TENM4: variants seen among roughly 807,000 people sequenced by gnomAD.
TENM4 encodes the protein teneurin-4.
TENM4 carries 82 observed loss-of-function variants against 243.3 expected under a neutral mutation model. That is an observed-to-expected ratio of 0.34 (90% CI 0.28 to 0.40). The LOEUF is 0.40. Among genes scored for constraint, TENM4 ranks in the 10% least tolerant of loss-of-function variants. The pLI, the probability that TENM4 is intolerant of heterozygous loss-of-function variation, is 1.00. For synonymous variants in TENM4, 1,412 were observed against 1,456.3 expected, an observed-to-expected ratio of 0.97 and a Z score of 0.69; for missense variants, 3,138 against 3,673.3, an observed-to-expected ratio of 0.85 and a Z score of 3.77.
At chr11:79,303,672 G>C (rs1451077023) in intron 1 of TENM4, among the ~76,000 whole-genome samples, 1 of 152,144 alleles carries the variant, frequency 6.6e-6, no homozygotes, top group Non-Finnish European at 1.5e-5. Context: ...CTGGAGACAG[G>C]ATTTTGAACC....
rs1859377213 is a variant in TENM4, at chr11:79,440,314, G to C, written c.-321+195C>G. ...GCGGCTCCAGGCTCCAGAACAGCTT[G>C]CCTCTTCGGCCACCCGCGCCCTAGC... On this transcript the variant is annotated intron_variant, in intron 1 of 33. Transcript: ENST00000278550. The surrounding 1 kb of genome is among the most constrained non-coding windows in gnomAD (Gnocchi z 4.7). 6.6e-6 allele frequency among the ~76,000 whole-genome samples: 1 copy of C among 151,664 alleles called. No individual in the cohort carries two copies. The highest frequency in any genetic ancestry group is 2.4e-5 in the African/African-American group (1 of 41,380).
In TENM4 at chr11:78,699,697, TATATTTCATCAAGGAAA is replaced by T. The variant is rs1464874492; in HGVS notation, c.5087+1812_5087+1828del. On this transcript the variant is annotated intron_variant, in intron 28 of 33. Coordinates refer to ENST00000278550, the MANE Select transcript of TENM4 (RefSeq NM_001098816.3). Reference sequence around the variant, plus strand: ...CTTCACTAAACATCAACTATAGCTGTATATTTCATCAAGGAAAGAAAGGGAGGGATCTTTCCTGGTAG... The same window carrying T: ...CTTCACTAAACATCAACTATAGCTGTGAAAGGGAGGGATCTTTCCTGGTAG... Among the ~76,000 whole-genome samples the T allele has an allele frequency of 9.2e-5, 14 of 152,300 alleles. No individual in the cohort carries two copies. In the East Asian group the frequency reaches 2.7e-3, roughly 29 times the overall value.
At chr11:78,973,119 G>A (rs747717935) in intron 6 of TENM4, among the ~76,000 whole-genome samples, 1 of 152,106 alleles carries the variant, frequency 6.6e-6, no homozygotes, top group Non-Finnish European at 1.5e-5. Context: ...TCACTTTTTG[G>A]CTATTATCCA....
chr11:79,432,665 C>T (rs1859192849), intron 1 of TENM4, among the ~76,000 whole-genome samples: 1 of 152,184 alleles, frequency 6.6e-6, no homozygotes, highest in Admixed American at 6.5e-5. Flanking sequence ...TGCTTTTAAG[C>T]TCTTAAGCAC....
intron 12 of TENM4, among the ~76,000 whole-genome samples, chr11:78,853,102 C>A (rs1858582103): frequency 6.6e-6 from 1 of 152,018 alleles, no homozygotes; most frequent in South Asian, 2.1e-4. Flanking sequence ...CAGAGAGATT[C>A]CTAGCCAACG....
intron 24 of TENM4, among the ~76,000 whole-genome samples, chr11:78,720,671 T>G (rs1859626281): frequency 6.6e-6 from 1 of 152,218 alleles, no homozygotes; most frequent in South Asian, 2.1e-4. Flanking sequence ...ATTCTGCTGC[T>G]TTAACAAGGG....
At chr11:79,299,418 C>A (rs1357417388) in intron 1 of TENM4, among the ~76,000 whole-genome samples, 1 of 152,200 alleles carries the variant, frequency 6.6e-6, no homozygotes, top group East Asian at 1.9e-4. Context: ...TGTCCCCATC[C>A]TCAGACCCCA....
At chr11:78,814,420 G>C in intron 12 of TENM4, 25 bp from the exon 13 acceptor site, 14 of 1,536,764 alleles carry the variant, frequency 9.1e-6, no homozygotes, top group African/African-American at 1.4e-5. Flanking sequence ...GAGAAGGAGA[G>C]TTGAAAACAA....
chr11:79,001,886 C>T (rs1858338290), intron 6 of TENM4, among the ~76,000 whole-genome samples: 1 of 152,172 alleles, frequency 6.6e-6, no homozygotes, highest in Admixed American at 6.5e-5. Flanking sequence ...AGCAGAACAT[C>T]CCCTGCCAAT....
At chr11:79,158,281 C>T (rs938394911) in intron 3 of TENM4, among the ~76,000 whole-genome samples, 7 of 152,300 alleles carry the variant, frequency 4.6e-5, no homozygotes, top group African/African-American at 1.7e-4. Flanking sequence ...GGTAAATTTC[C>T]TTTAGGAAGA....
chr11:79,271,089 A>G (rs1839122879), intron 2 of TENM4, among the ~76,000 whole-genome samples: 1 of 152,280 alleles, frequency 6.6e-6, no homozygotes. Context: ...TGACTTCTGA[A>G]GGCTAAGAAT....
chr11:79,437,622 C>G (rs1228330975), intron 1 of TENM4, among the ~76,000 whole-genome samples: 2 of 152,202 alleles, frequency 1.3e-5, no homozygotes, highest in Non-Finnish European at 2.9e-5. Flanking sequence ...GAGTCGCGGC[C>G]GACTCCTGTA....
rs142320770 is a variant in TENM4, at chr11:79,177,242, G to A, written c.-162-28436C>T. On this transcript the variant is annotated intron_variant, in intron 3 of 33. Transcript: ENST00000278550. Reference sequence around the variant, plus strand: ...TGTTCTCATTAAAGCAGGGGCAAAGGGTTGGAGCCCCCTTGGTTTTCAAAC... The same window carrying A: ...TGTTCTCATTAAAGCAGGGGCAAAGAGTTGGAGCCCCCTTGGTTTTCAAAC... Among the ~76,000 whole-genome samples the A allele has an allele frequency of 4.4e-3, 672 of 152,058 alleles. 6 individuals carry two copies. Among genetic ancestry groups the A allele is most frequent in the African/African-American group, 0.015 (642 of 41,464 alleles).
intron 6 of TENM4, among the ~76,000 whole-genome samples, chr11:78,996,551 T>C (rs574770964): frequency 1.3e-5 from 2 of 152,146 alleles, no homozygotes; most frequent in Non-Finnish European, 2.9e-5. Context: ...AGCCTTTAAG[T>C]TTTAGGATAG....
intron 6 of TENM4, among the ~76,000 whole-genome samples, chr11:78,990,134 T>C (rs1458038371): frequency 6.6e-6 from 1 of 152,036 alleles, no homozygotes; most frequent in African/African-American, 2.4e-5. Flanking sequence ...TTAGAACTTA[T>C]TTTAAGTTTT....
chr11:79,070,142 C>G (rs922483350), intron 4 of TENM4, 133 bp from the exon 5 acceptor site: 7 of 1,129,486 alleles, frequency 6.2e-6, no homozygotes, highest in Non-Finnish European at 8.5e-6. Flanking sequence ...ACCGCTCCAC[C>G]ACTACGCAGC....
At chr11:78,684,535 C>T (rs1858614964) in intron 29 of TENM4, among the ~76,000 whole-genome samples, 1 of 151,058 alleles carries the variant, frequency 6.6e-6, no homozygotes, top group South Asian at 2.1e-4. Context: ...CACAAACACA[C>T]ATACACACAG....
intron 26 of TENM4, among the ~76,000 whole-genome samples, chr11:78,709,129 G>A (rs1221295036): frequency 7.7e-6 from 1 of 129,540 alleles, no homozygotes; most frequent in Admixed American, 7.7e-5. Flanking sequence ...CACCATGCCT[G>A]GCTAATTTTT....
At chr11:78,991,736 C>A (rs1472012099) in intron 6 of TENM4, among the ~76,000 whole-genome samples, 1 of 152,182 alleles carries the variant, frequency 6.6e-6, no homozygotes, top group Non-Finnish European at 1.5e-5. Flanking sequence ...TGGTTTTCCC[C>A]ATGGACCCAT....
Sources: gnomAD v4.1 joint callset for allele counts (sites outside exome capture counted in the v4.1 genomes callset) on GRCh38, gnomAD v4.1.1 for gene constraint, Gnocchi (gnomAD v3.1) non-coding constraint, MANE v1.5 for transcripts, NCBI Gene and HGNC (gene_info 2026-07-23, HGNC 2026-07-21) for gene names.